The following JAKMIP3 variants were observed in gnomAD, a reference collection of about 807,000 sequenced individuals.
JAKMIP3 encodes Janus kinase and microtubule interacting protein 3.
In JAKMIP3, 58 loss-of-function variants were observed where a neutral mutation model predicts 118.5. The observed-to-expected ratio is 0.49, with a 90% CI of 0.40 to 0.61. JAKMIP3 has a LOEUF of 0.61. Among genes scored for constraint, JAKMIP3 ranks in the 20% least tolerant of loss-of-function variants. The pLI is 0.00. For synonymous variants in JAKMIP3, 486 were observed against 451.2 expected (o/e 1.08, Z -0.98); for missense variants, 950 against 1,109.0 (o/e 0.86, Z 2.04).
chr10:132,069,018 T>C (rs980537843), intron 1 of JAKMIP3, among the ~76,000 whole-genome samples: 8 of 152,186 alleles, frequency 5.3e-5, no homozygotes, highest in Non-Finnish European at 1.2e-4. Context: ...GTGCTCGGCC[T>C]GCGGCTGAGT....
chr10:132,085,048 C>T (rs7912463), intron 1 of JAKMIP3, among the ~76,000 whole-genome samples: 1 of 151,928 alleles, frequency 6.6e-6, no homozygotes, highest in African/African-American at 2.4e-5. Context: ...TTAGTTATGT[C>T]CTTTCCTTGT....
chr10:132,046,830 G>T (rs746155129), intron 1 of JAKMIP3, among the ~76,000 whole-genome samples: 1 of 152,170 alleles, frequency 6.6e-6, no homozygotes, highest in Non-Finnish European at 1.5e-5. Flanking sequence ...GGAACTTGCC[G>T]CTTGGGAACA....
chr10:132,055,661 C>T (rs1371163395), intron 1 of JAKMIP3, among the ~76,000 whole-genome samples: 1 of 152,200 alleles, frequency 6.6e-6, no homozygotes, highest in Non-Finnish European at 1.5e-5. Context: ...AATGCCTGCT[C>T]TCACTTCACT....
At chr10:132,059,921 G>A (rs1388594867), upstream of JAKMIP3, among the ~76,000 whole-genome samples, 2 of 152,222 alleles carry the variant, frequency 1.3e-5, no homozygotes, top group Non-Finnish European at 2.9e-5. Flanking sequence ...GAAAGGACAG[G>A]GGAGAGTGGA....
At chr10:132,176,232 G>A (rs906507311) in intron 23 of JAKMIP3, among the ~76,000 whole-genome samples, 5 of 152,236 alleles carry the variant, frequency 3.3e-5, no homozygotes, top group Non-Finnish European at 2.9e-5. Flanking sequence ...TTTGTCTGAT[G>A]GCAGAAGCAG....
chr10:132,139,273 C>T (rs528287165), intron 9 of JAKMIP3, among the ~76,000 whole-genome samples: 1 of 118,448 alleles, frequency 8.4e-6, no homozygotes, highest in Non-Finnish European at 1.8e-5. Context: ...TATGTGTGTA[C>T]ATGTGAGTGT....
chr10:132,036,763 G>A (rs111251014), intron 1 of JAKMIP3, among the ~76,000 whole-genome samples: 1 of 151,036 alleles, frequency 6.6e-6, no homozygotes, highest in East Asian at 1.9e-4. Flanking sequence ...GGGTGGGGCC[G>A]CGACCGGGGG....
intron 5 of JAKMIP3, 31 bp downstream of exon 5, chr10:132,135,191 G>A: frequency 6.3e-7 from 1 of 1,577,282 alleles, no homozygotes; most frequent in African/African-American, 1.3e-5. Flanking sequence ...CTGGCTCCTG[G>A]GGGTTTGTGA....
upstream of JAKMIP3, among the ~76,000 whole-genome samples, chr10:132,064,400 G>A (rs557632145): frequency 2.1e-4 from 32 of 152,238 alleles, no homozygotes; most frequent in Admixed American, 1.8e-3. This position sits in a 1 kb window ranked among gnomAD's most constrained non-coding sequence, Gnocchi z 4.4. Context: ...GCCTGCCTCC[G>A]ACTGAGGAGG....
intron 1 of JAKMIP3, among the ~76,000 whole-genome samples, chr10:132,066,968 C>T (rs1049387426): frequency 2.6e-5 from 4 of 152,078 alleles, no homozygotes; most frequent in African/African-American, 9.7e-5. Context: ...GTGGGAGAAC[C>T]AGTCACAAAA....
Position 132,068,141 on chromosome 10 carries a change from G to T in JAKMIP3, c.-138+2080G>T, listed in dbSNP as rs1489366571. On this transcript the variant is annotated intron_variant, in intron 1 of 23. Transcript: ENST00000684848. ...TGTGGGCTTCCGTGTGGACTGGACT[G>T]TGGGTTTCTGTGTGGACTGTGGGTT... Among the ~76,000 whole-genome samples the T allele has an allele frequency of 2.7e-5, 4 of 148,612 alleles. No homozygotes were observed. In the South Asian group the frequency reaches 6.5e-4, roughly 24 times the overall value.
At chr10:132,132,161 C>T (rs2050764899) in intron 3 of JAKMIP3, among the ~76,000 whole-genome samples, 1 of 152,366 alleles carries the variant, frequency 6.6e-6, no homozygotes, top group East Asian at 1.9e-4. Context: ...CAGCTCATCA[C>T]TTGCTCCATC....
At chr10:132,087,288 A>G (rs1564882412) in intron 1 of JAKMIP3, among the ~76,000 whole-genome samples, 1 of 152,136 alleles carries the variant, frequency 6.6e-6, no homozygotes, top group Non-Finnish European at 1.5e-5. Flanking sequence ...CATAGCTCTT[A>G]AGATTCTTTT....
rs117979512 is a variant in JAKMIP3, at chr10:132,177,132, C to G, written c.*1104-5225C>G. Reference sequence around the variant, plus strand: ...TTTATTCTTTTCAGCCAGCAGCTTACAGCCTGCGGGCCAGCTGTCTTGCAA... The same window carrying G: ...TTTATTCTTTTCAGCCAGCAGCTTAGAGCCTGCGGGCCAGCTGTCTTGCAA... On this transcript the variant is annotated intron_variant, in intron 23 of 23. Transcript: ENST00000684848. Among the ~76,000 whole-genome samples, 644 of 152,362 alleles carry G rather than the reference C, an allele frequency of 4.2e-3. 4 individuals are homozygous for G. Among genetic ancestry groups the G allele is most frequent in the Non-Finnish European group, 6.2e-3 (425 of 68,038 alleles).
upstream of JAKMIP3, among the ~76,000 whole-genome samples, chr10:132,060,741 C>G (rs1191181931): frequency 6.6e-6 from 1 of 152,158 alleles, no homozygotes; most frequent in Non-Finnish European, 1.5e-5. Flanking sequence ...AGAGAATGGC[C>G]AGGTGCAGTG....
intron 23 of JAKMIP3, among the ~76,000 whole-genome samples, chr10:132,169,529 G>A (rs991532702): frequency 3.3e-5 from 5 of 152,146 alleles, no homozygotes; most frequent in African/African-American, 9.7e-5. Flanking sequence ...AGCTTTCCTC[G>A]CCAGCGGGGT....
In JAKMIP3 at chr10:132,057,231, C is replaced by T. The variant is rs75217623; in HGVS notation, c.-138+20493C>T. Among the ~76,000 whole-genome samples the T allele has an allele frequency of 6.0e-4, 91 of 152,274 alleles. 4 individuals carry two copies. In the East Asian group the frequency reaches 0.017, roughly 29 times the overall value. ...TCTGGGCGCAACCCCCTGGGACCCT[C>T]GAAAGAGCCGGAGAGTGGGCCTCAC... On this transcript the variant is annotated intron_variant, in intron 1 of 23. Coordinates refer to the JAKMIP3 transcript ENST00000657785.
At position 132,049,627 on chromosome 10, in the gene JAKMIP3, G is replaced by A. The variant is rs1432801895; in HGVS notation, c.-138+12889G>A. On this transcript the variant is annotated intron_variant, in intron 1 of 23. Coordinates refer to the JAKMIP3 transcript ENST00000657785. This position sits in a 1 kb window ranked among gnomAD's most constrained non-coding sequence, Gnocchi z 4.3. ...TGCGTGTGCCCGGTTCTGTTTGGAT[G>A]TACAGGTTTCTTCTGCCTTGTGTTT... is the stretch of plus-strand genomic sequence containing the variant. 1.3e-5 allele frequency among the ~76,000 whole-genome samples: 2 copies of A among 151,952 alleles called. 1 individual carries two copies.
rs779522385 is a variant in JAKMIP3, at chr10:132,163,260, G to A, written c.2272G>A (p.Gly758Arg). Reference protein sequence around the residue: ...MLYDALQQEAGAKVAELLSEE... With the variant: ...MLYDALQQEARAKVAELLSEE... ...GTATGATGCCCTGCAGCAGGAGGCCGGGGCTAAGGTGGCTGAGCTGCTGTC... is the reference window on the plus strand; with the variant it reads ...GTATGATGCCCTGCAGCAGGAGGCCAGGGCTAAGGTGGCTGAGCTGCTGTC... Residue 758 changes from glycine (G) to arginine (R), a missense_variant, in exon 20 of 24, where the codon GGG becomes AGG. Gly to Arg is a moderately radical substitution (Grantham distance 125, BLOSUM62 -2). Transcript: ENST00000684848. The A allele has an allele frequency of 9.1e-5, 144 of 1,586,638 alleles. No individual in the cohort carries two copies. In the East Asian group the frequency reaches 2.9e-3, roughly 32 times the overall value.
Sources: allele counts gnomAD v4.1 joint callset (sites outside exome capture counted in the v4.1 genomes callset), GRCh38; gene constraint gnomAD v4.1.1; non-coding constraint Gnocchi (gnomAD v3.1); transcripts MANE v1.5; gene names NCBI Gene and HGNC (gene_info 2026-07-23, HGNC 2026-07-21).